The following ARHGEF28 variants were observed in gnomAD, a reference collection of about 807,000 sequenced individuals.
ARHGEF28 encodes Rho guanine nucleotide exchange factor 28, also known as 190 kDa guanine nucleotide exchange factor.
Under a neutral mutation model 206.6 loss-of-function variants are expected in ARHGEF28, and 152 were observed. The ratio of observed to expected loss-of-function variants is 0.74; its 90% CI spans 0.64 to 0.84. The LOEUF is 0.84. Among genes scored for constraint, ARHGEF28 ranks in the 40% least tolerant of loss-of-function variants. The pLI is 0.00. For missense variants in ARHGEF28, 2,028 were observed against 2,073.2 expected (o/e 0.98, Z 0.42); for synonymous variants, 763 against 776.4 (o/e 0.98, Z 0.29).
At chr5:73,698,430 G>C (rs1000710588) in intron 2 of ARHGEF28, among the ~76,000 whole-genome samples, 4 of 152,084 alleles carry the variant, frequency 2.6e-5, no homozygotes, top group Non-Finnish European at 5.9e-5. Flanking sequence ...CCCCTGATTT[G>C]TACAGGTCAA....
At chr5:73,932,322 A>G (rs1295717336) in intron 35 of ARHGEF28, among the ~76,000 whole-genome samples, 1 of 152,216 alleles carries the variant, frequency 6.6e-6, no homozygotes, top group Admixed American at 6.5e-5. Flanking sequence ...AGGAATTGCT[A>G]ATAATTTACA....
intron 22 of ARHGEF28, among the ~76,000 whole-genome samples, chr5:73,880,176 T>C (rs1161741503): frequency 6.6e-6 from 1 of 152,166 alleles, no homozygotes; most frequent in African/African-American, 2.4e-5. Context: ...CAGTTTGTTC[T>C]CAGACTGCTG....
chr5:73,811,876 A>T (rs1008863032), intron 9 of ARHGEF28, among the ~76,000 whole-genome samples: 8 of 151,168 alleles, frequency 5.3e-5, no homozygotes, highest in Admixed American at 5.3e-4. Flanking sequence ...GCAACTACTC[A>T]GGAGGCTGAG....
chr5:73,727,893 G>A (rs968524665), intron 2 of ARHGEF28, among the ~76,000 whole-genome samples: 2 of 152,128 alleles, frequency 1.3e-5, no homozygotes, highest in Non-Finnish European at 2.9e-5. Context: ...TCAGTCTCAG[G>A]TAGTCTGAGT....
rs1189976261 is a variant in ARHGEF28 at position 73,794,409 on chromosome 5, G to T, written c.918G>T (p.Lys306Asn). 6.2e-7 allele frequency: 1 copy of T among 1,600,320 alleles called. No individual in the cohort carries two copies. Among genetic ancestry groups the T allele is most frequent in the South Asian group, 1.1e-5 (1 of 88,098 alleles). ...SSGAETEEEI[K>N]NSVSSRSAAE... ...TAATTATTTCTTTTGCAGAGATTAA[G>T]AATTCAGTGTCCAGCAGATCAGCAG... The change falls in exon 8 of 36, where the codon AAG becomes AAT. Residue 306 changes from lysine (K) to asparagine (N), a missense_variant. Physicochemically the swap from Lys to Asn is moderately conservative, Grantham distance 94 (BLOSUM62 0). Transcript: ENST00000513042.
chr5:73,922,943 G>A, intron 35 of ARHGEF28: 1 of 697,236 alleles, frequency 1.4e-6, no homozygotes, highest in Non-Finnish European at 2.4e-6. Flanking sequence ...TTCAGCATAA[G>A]CCCTGAAAAA....
At chr5:73,634,604 G>A (rs1440670916) in intron 1 of ARHGEF28, among the ~76,000 whole-genome samples, 1 of 152,094 alleles carries the variant, frequency 6.6e-6, no homozygotes, top group African/African-American at 2.4e-5. Flanking sequence ...CTCCTGTATC[G>A]AATCCCTCTG....
intron 9 of ARHGEF28, among the ~76,000 whole-genome samples, chr5:73,827,671 C>A (rs1034821069): frequency 1.4e-4 from 21 of 152,166 alleles, no homozygotes; most frequent in African/African-American, 4.6e-4. Context: ...GTGTTTTTCA[C>A]TAATTTAAAA....
chr5:73,759,677 G>A (rs1413085629), intron 4 of ARHGEF28, among the ~76,000 whole-genome samples: 3 of 152,152 alleles, frequency 2.0e-5, no homozygotes, highest in African/African-American at 7.2e-5. Context: ...TTCTTAAAAT[G>A]TGTCTTGATT....
intron 1 of ARHGEF28, among the ~76,000 whole-genome samples, chr5:73,660,589 A>G (rs1051051421): frequency 2.0e-5 from 3 of 152,182 alleles, no homozygotes; most frequent in Admixed American, 6.5e-5. Context: ...TGGCAACTGT[A>G]CTTACAAAAT....
At chr5:73,658,730 CAG>C (rs1026784404) in intron 1 of ARHGEF28, among the ~76,000 whole-genome samples, 6 of 152,102 alleles carry the variant, frequency 3.9e-5, no homozygotes, top group Non-Finnish European at 7.3e-5. Context: ...GAGCTCATGA[CAG>C]AGAATTGTAC....
At position 73,844,868 on chromosome 5, in the gene ARHGEF28, C is replaced by T. The variant is rs529746525; in HGVS notation, c.1428-1400C>T. On this transcript the variant is annotated intron_variant, in intron 11 of 35. Transcript: ENST00000513042. ...GCCTCCAAGTTTGAGTCGTTTAAAA[C>T]GTAATGTTATGGAATAGACCTGGGA... 1.2e-3 allele frequency among the ~76,000 whole-genome samples: 182 copies of T among 150,116 alleles called. 1 individual carries two copies. Among genetic ancestry groups the T allele is most frequent in the African/African-American group, 4.2e-3 (171 of 41,044 alleles).
At chr5:73,639,906 C>T (rs1743960978) in intron 1 of ARHGEF28, among the ~76,000 whole-genome samples, 1 of 152,176 alleles carries the variant, frequency 6.6e-6, no homozygotes, top group Non-Finnish European at 1.5e-5. Context: ...AAAATGAATA[C>T]TGTGTATTGG....
intron 2 of ARHGEF28, among the ~76,000 whole-genome samples, chr5:73,724,013 G>A (rs1193029178): frequency 6.6e-6 from 1 of 152,206 alleles, no homozygotes; most frequent in African/African-American, 2.4e-5. Flanking sequence ...GTTGTCCAGT[G>A]GTCCACAGAG....
chr5:73,867,790 G>T, intron 18 of ARHGEF28, 86 bp from the exon 19 acceptor site: 1 of 1,553,092 alleles, frequency 6.4e-7, no homozygotes, highest in Non-Finnish European at 8.8e-7. Context: ...GTCATTGCAG[G>T]GTTTAGCTTT....
intron 20 of ARHGEF28, among the ~76,000 whole-genome samples, chr5:73,868,833 G>T (rs1466735260): frequency 6.6e-6 from 1 of 152,188 alleles, no homozygotes; most frequent in African/African-American, 2.4e-5. Flanking sequence ...TGTTCGTAGA[G>T]ATGGGGTTTC....
chr5:73,781,050 C>G (rs1457437536), intron 7 of ARHGEF28, among the ~76,000 whole-genome samples: 1 of 152,190 alleles, frequency 6.6e-6, no homozygotes, highest in Non-Finnish European at 1.5e-5. Flanking sequence ...CCTCATTCAG[C>G]TTGTTCATTC....
intron 4 of ARHGEF28, among the ~76,000 whole-genome samples, chr5:73,757,416 A>G (rs1228652835): frequency 6.6e-6 from 1 of 152,204 alleles, no homozygotes; most frequent in Non-Finnish European, 1.5e-5. Flanking sequence ...CCGAAGGAGT[A>G]TTCATTGATT....
At chr5:73,727,360 G>A (rs1182826205) in intron 2 of ARHGEF28, among the ~76,000 whole-genome samples, 2 of 152,168 alleles carry the variant, frequency 1.3e-5, no homozygotes, top group Non-Finnish European at 2.9e-5. Context: ...CTTTCACTTT[G>A]TGCTTTTGTG....
Sources: allele counts gnomAD v4.1 joint callset (sites outside exome capture counted in the v4.1 genomes callset), GRCh38; gene constraint gnomAD v4.1.1; transcripts MANE v1.5; gene names NCBI Gene and HGNC (gene_info 2026-07-23, HGNC 2026-07-21).